Variants in SUZ12 observed in about 807,000 individuals in gnomAD.
SUZ12 encodes the protein polycomb protein SUZ12.
Under a neutral mutation model 87.3 loss-of-function variants are expected in SUZ12, and 17 were observed. The observed-to-expected ratio is 0.19, with a 90% CI of 0.13 to 0.29. SUZ12 has a LOEUF of 0.29. Ranked by LOEUF, SUZ12 falls within the 10% of genes least tolerant of loss-of-function variation. The pLI is 1.00. For synonymous variants in SUZ12, 253 were observed against 312.4 expected (o/e 0.81, Z 2.01); for missense variants, 526 against 912.2 (o/e 0.58, Z 5.45).
intron 5 of SUZ12, among the ~76,000 whole-genome samples, chr17:31,971,018 C>T (rs963585999): frequency 1.3e-5 from 2 of 152,090 alleles, no homozygotes; most frequent in African/African-American, 4.8e-5. Flanking sequence ...TTTGTAAAGC[C>T]TGTGTTAATT....
intron 4 of SUZ12, among the ~76,000 whole-genome samples, chr17:31,955,224 T>G (rs140249544): frequency 0.099 from 15,056 of 152,150 alleles, 1,007 homozygotes; most frequent in Middle Eastern, 0.15. Flanking sequence ...TGCCTTAGCC[T>G]CCTGAGTAGC....
intron 8 of SUZ12, among the ~76,000 whole-genome samples, chr17:31,981,688 A>G (rs1318639552): frequency 6.6e-6 from 1 of 152,256 alleles, no homozygotes; most frequent in Non-Finnish European, 1.5e-5. Flanking sequence ...TAGAGAAAAG[A>G]CAAAAATTCT....
chr17:31,985,912 C>T (rs1432536686), intron 9 of SUZ12, among the ~76,000 whole-genome samples: 3 of 152,036 alleles, frequency 2.0e-5, no homozygotes, highest in African/African-American at 4.8e-5. Context: ...CCACCCGCCT[C>T]GGCCTCCCAA....
chr17:31,998,545 T>C (rs1910104109), intron 15 of SUZ12, 113 bp from the exon 16 acceptor site: 2 of 717,524 alleles, frequency 2.8e-6, no homozygotes, highest in Admixed American at 7.4e-5. Flanking sequence ...ACTGCTTCTT[T>C]AATCATCTTT....
At chr17:31,939,757 C>G (rs1377027190) in intron 1 of SUZ12, among the ~76,000 whole-genome samples, 1 of 152,094 alleles carries the variant, frequency 6.6e-6, no homozygotes, top group South Asian at 2.1e-4. Flanking sequence ...AACTCCCGAC[C>G]TTAGGTGATC....
At chr17:31,994,367 C>G (rs1039494635) in intron 12 of SUZ12, 197 bp from the exon 13 acceptor site, 1 of 469,124 alleles carries the variant, frequency 2.1e-6, no homozygotes, top group Non-Finnish European at 3.6e-6. Context: ...ACAAAGTCAC[C>G]AAGCAATAAA....
At chr17:31,941,916 G>T (rs1295355174) in intron 3 of SUZ12, among the ~76,000 whole-genome samples, 1 of 151,164 alleles carries the variant, frequency 6.6e-6, no homozygotes, top group Non-Finnish European at 1.5e-5. Context: ...GCAGTGGTGC[G>T]ATATCGGCTC....
chr17:31,991,632 T>C lies in SUZ12; in HGVS notation c.1202-1610T>C, dbSNP rs139985648. Among the ~76,000 whole-genome samples the C allele has an allele frequency of 2.7e-3, 417 of 152,008 alleles. 15 individuals carry two copies. The East Asian group carries it at 0.071, about 26-fold the overall frequency. The stretch of plus-strand genomic sequence containing the variant: ...ATAATTATTTTTTTTGGAGACGGAG[T>C]CTTGCTCCGTCACCCAGGCTGGAGT... On this transcript the variant is annotated intron_variant, in intron 10 of 15. Transcript: ENST00000322652.
intron 9 of SUZ12, among the ~76,000 whole-genome samples, chr17:31,987,102 T>C (rs1943062627): frequency 6.6e-6 from 1 of 152,092 alleles, no homozygotes; most frequent in East Asian, 1.9e-4. Context: ...GAAGAAATGA[T>C]AAACATTTTA....
intron 1 of SUZ12, 53 bp from the exon 2 acceptor site, chr17:31,940,233 T>A: frequency 1.3e-6 from 2 of 1,573,800 alleles, no homozygotes; most frequent in East Asian, 4.5e-5. Context: ...CGGTTGATAT[T>A]TTTCTGACAA....
In SUZ12 at chr17:31,956,408, G is replaced by C. The variant is rs187672438; in HGVS notation, c.455+8723G>C. The stretch of plus-strand genomic sequence containing the variant: ...GGGGTTTCACCGTGTTGGCCAGGAT[G>C]GTCTTGATCTGACCTCGTGATCGGC... On this transcript the variant is annotated intron_variant, in intron 4 of 15. Transcript: ENST00000322652. Among the ~76,000 whole-genome samples, 328 of 152,176 alleles carry C rather than the reference G, an allele frequency of 2.2e-3. 1 individual carries two copies. The highest frequency in any genetic ancestry group is 7.2e-3 in the African/African-American group (299 of 41,518).
At chr17:31,959,764 C>T (rs1304686000) in intron 4 of SUZ12, among the ~76,000 whole-genome samples, 1 of 152,148 alleles carries the variant, frequency 6.6e-6, no homozygotes, top group Non-Finnish European at 1.5e-5. Context: ...GGAGGCTCTT[C>T]CTTGAATTAG....
At chr17:31,950,276 TA>T (rs1906886568) in intron 4 of SUZ12, among the ~76,000 whole-genome samples, 2 of 152,180 alleles carry the variant, frequency 1.3e-5, no homozygotes, top group African/African-American at 4.8e-5. Context: ...CAAATTAAGG[TA>T]ATCTTATTTT....
rs1345069483 is a variant in SUZ12 at position 31,988,303 on chromosome 17, T to C, written c.1024-17T>C. ...ATTATCTGAGTCTCCAGTCTTTGCA[T>C]GTTTTTTATTTTTTAGAGGCTGCCT... is the stretch of plus-strand genomic sequence containing the variant. On this transcript the variant is annotated splice_polypyrimidine_tract_variant and intron_variant, in intron 9 of 15. Coordinates refer to ENST00000322652, the MANE Select transcript of SUZ12 (RefSeq NM_015355.4). 1.3e-6 allele frequency: 2 copies of C among 1,525,922 alleles called. No individual in the cohort carries two copies. Among genetic ancestry groups the C allele is most frequent in the East Asian group, 4.8e-5 (2 of 41,416 alleles). 94.5% of individuals were successfully genotyped at this position (1,525,922 alleles called of 1,614,324 possible).
At chr17:31,984,111 A>G (rs936615110) in intron 9 of SUZ12, among the ~76,000 whole-genome samples, 6 of 152,206 alleles carry the variant, frequency 3.9e-5, no homozygotes, top group African/African-American at 1.4e-4. Flanking sequence ...TTTACTTACC[A>G]GTTTTAGTAT....
At chr17:31,982,109 T>C (rs539003664) in intron 8 of SUZ12, among the ~76,000 whole-genome samples, 21 of 152,366 alleles carry the variant, frequency 1.4e-4, no homozygotes, top group African/African-American at 4.6e-4. Flanking sequence ...TACACACACC[T>C]TAAAACTATA....
At chr17:31,946,844 A>C (rs1034411303) in intron 3 of SUZ12, among the ~76,000 whole-genome samples, 1 of 152,154 alleles carries the variant, frequency 6.6e-6, no homozygotes, top group African/African-American at 2.4e-5. Flanking sequence ...AGTTATACTT[A>C]AGTTTCTATT....
chr17:31,980,429 C>CTTTTTTTTTTTTTTTTTTTTTTTTT (rs58491591), intron 8 of SUZ12, among the ~76,000 whole-genome samples: 1 of 53,834 alleles, frequency 1.9e-5, no homozygotes. Context: ...TCACCTTCTC[C>CTTTTTTTTTTTTTTTTTTTTTTTTT]TTTTTTTTTT....
In SUZ12 at chr17:31,998,536, C is replaced by G. The variant is rs1910103378; in HGVS notation, c.1875-122C>G. 8.8e-6 allele frequency: 6 copies of G among 680,536 alleles called. No homozygotes were observed. In the Admixed American group the frequency reaches 2.2e-4, roughly 25 times the overall value. The allele number at this position is 680,536 out of a possible 1,614,324, so 42.2% of individuals were successfully genotyped here. A position where few individuals can be genotyped will look rare whatever the true frequency, so the allele number is the denominator to read the frequency against. On this transcript the variant is annotated intron_variant, in intron 15 of 15. Coordinates refer to ENST00000322652, the MANE Select transcript of SUZ12 (RefSeq NM_015355.4). ...GAATTTCAGTTTCTCTATAGTTTTA[C>G]TGCTTCTTTAATCATCTTTTATTTT...
Sources: gnomAD v4.1 joint callset for allele counts (sites outside exome capture counted in the v4.1 genomes callset) on GRCh38, gnomAD v4.1.1 for gene constraint, MANE v1.5 for transcripts, NCBI Gene and HGNC (gene_info 2026-07-23, HGNC 2026-07-21) for gene names.